PIEZO1: variants seen among roughly 807,000 people sequenced by gnomAD.
The protein encoded by PIEZO1 is piezo type mechanosensitive ion channel component 1 (Er blood group).
In PIEZO1, 296 loss-of-function variants were observed where a neutral mutation model predicts 297.2. The observed-to-expected ratio is 1.00, with a 90% confidence interval of 0.91 to 1.10. The LOEUF (loss-of-function observed/expected upper bound fraction) is 1.10, where lower values mean the gene tolerates loss of function less well. PIEZO1 is among the 50% of genes least tolerant of loss of function. The probability of loss-of-function intolerance (pLI) is 0.00; values close to 1 mark genes in which losing one functional copy is unlikely to be tolerated. For missense variants in PIEZO1, 5,018 were observed against 3,455.5 expected (o/e 1.45, Z -11.34); for synonymous variants, 2,427 against 1,507.5 (o/e 1.61, Z -14.13).
intron 21 of PIEZO1, 52 bp from the exon 22 acceptor site, chr16:88,731,962 G>GGGGCGTGGGGATGC: frequency 8.4e-6 from 1 of 118,602 alleles, no homozygotes; most frequent in Non-Finnish European, 2.0e-5. Flanking sequence ...TGGGGGGAGG[G>GGGGCGTGGGGATGC]ACTTTCTTGT....
chr16:88,723,134 C>T lies in PIEZO1; in HGVS notation c.4456G>A (p.Glu1486Lys). 1 of 1,549,144 alleles carries T rather than the reference C, an allele frequency of 6.5e-7. No homozygotes were observed. Among genetic ancestry groups the T allele is most frequent in the Non-Finnish European group, 8.7e-7 (1 of 1,146,808 alleles). The change falls in exon 33 of 51, where the codon GAG becomes AAG. Residue 1486 changes from glutamate (E) to lysine (K), a missense_variant. By Grantham distance (56) the Glu-to-Lys change is moderately conservative. Transcript: ENST00000301015. ...TCGGGGCCCTCTGCTGGCTCCACCT[C>T]CTGGCTGGGACCACCTCCTGGGCAC... ...QLPTGGGPSQ[E>K]VEPAEGPEEA...
In PIEZO1 at chr16:88,732,732, G is replaced by T; in HGVS notation, c.2665C>A (p.Pro889Thr). 6.5e-7 allele frequency: 1 copy of T among 1,544,236 alleles called. No individual in the cohort carries two copies. The highest frequency in any genetic ancestry group is 1.4e-5 in the African/African-American group (1 of 73,090). Residue 889 changes from proline to threonine, a missense_variant and splice_region_variant, in exon 20 of 51, where the codon CCC (proline) becomes ACC (threonine). By Grantham distance (38) the Pro-to-Thr change is conservative (BLOSUM62 -1). Transcript: ENST00000301015. ...AGCAAGTTGGTGCTGTTGGGGAAGG[G>T]CTGGCAAGAGGCCAGGCATCAGTGC... ...PQEYSSNCTE[P>T]FPNSTNLLPT...
At chr16:88,760,649 G>A (rs1906889040) in intron 1 of PIEZO1, among the ~76,000 whole-genome samples, 1 of 152,018 alleles carries the variant, frequency 6.6e-6, no homozygotes, top group Non-Finnish European at 1.5e-5. Flanking sequence ...ACCCGTCTTC[G>A]AGGCAGCAGC....
chr16:88,735,430 A>C (rs912580060), intron 12 of PIEZO1, among the ~76,000 whole-genome samples, 184 bp from the exon 13 acceptor site: 12 of 152,206 alleles, frequency 7.9e-5, no homozygotes, highest in African/African-American at 2.9e-4. Context: ...GAGGCACACG[A>C]GCACACACTC....
intron 5 of PIEZO1, 46 bp from the exon 6 acceptor site, chr16:88,738,782 C>G (rs749995122): frequency 6.8e-7 from 1 of 1,478,868 alleles, no homozygotes; most frequent in South Asian, 1.3e-5. Context: ...ATCGCACTGA[C>G]GCCACCTCTC....
At chr16:88,752,695 G>C (rs993362525) in intron 1 of PIEZO1, among the ~76,000 whole-genome samples, 2 of 152,120 alleles carry the variant, frequency 1.3e-5, no homozygotes, top group Non-Finnish European at 2.9e-5. Context: ...GGGGAACCTT[G>C]AGGGGCAGAG....
Position 88,726,607 on chromosome 16 carries a change from C to T in PIEZO1, c.3736G>A (p.Gly1246Ser), listed in dbSNP as rs555554020. Residue 1246 changes from glycine to serine, a missense_variant, in exon 26 of 51, where the codon GGC (glycine) becomes AGC (serine). By Grantham distance (56) the Gly-to-Ser change is moderately conservative. Coordinates refer to ENST00000301015, the MANE Select transcript of PIEZO1 (RefSeq NM_001142864.4). ...ACVFVEQMQTGFCWVIQLFSL... is the reference protein window; with the variant it reads ...ACVFVEQMQTSFCWVIQLFSL... ...AAGAGCTGGATGACCCAGCAGAAGC[C>T]GGTCTGCATCTGCTCCACGAAGACG... is the stretch of plus-strand genomic sequence containing the variant. 31 of 1,478,158 alleles carry T rather than the reference C, an allele frequency of 2.1e-5. No homozygotes were observed. The highest frequency in any genetic ancestry group is 8.3e-5 in the Admixed American group (4 of 48,006). 91.6% of individuals were successfully genotyped at this position (1,478,158 alleles called of 1,614,324 possible). A position where few individuals can be genotyped will look rare whatever the true frequency, so the allele number is the denominator to read the frequency against.
At chr16:88,726,674 G>GGGGCCAGCA (rs1567666232) in intron 25 of PIEZO1, 31 bp from the exon 26 acceptor site, 18 of 1,546,716 alleles carry the variant, frequency 1.2e-5, no homozygotes, top group Admixed American at 2.0e-5. Flanking sequence ...CGGGGCCAGC[G>GGGGCCAGCA]GGGCCCCAGG....
Position 88,749,427 on chromosome 16 carries a change from C to G in PIEZO1, c.117G>C (p.Leu39=). Residue 39 remains leucine (L), a synonymous_variant, in exon 2 of 51, where the codon CTG becomes CTC. Coordinates refer to ENST00000301015, the MANE Select transcript of PIEZO1 (RefSeq NM_001142864.4). ...GLSLVYLLFL[L]LLPWFPGPTR... ...TGGGGCCGGGGAACCAGGGCAGCAG[C>G]AGCAGGAAGAGCAGGTAGACCAGCG... 1.3e-6 allele frequency: 2 copies of G among 1,523,508 alleles called. No homozygotes were observed. The highest frequency in any genetic ancestry group is 1.8e-6 in the Non-Finnish European group (2 of 1,141,906). 94.4% of individuals were successfully genotyped at this position (1,523,508 alleles called of 1,614,324 possible). A position where few individuals can be genotyped will look rare whatever the true frequency, so the allele number is the denominator to read the frequency against.
chr16:88,757,322 G>C lies in PIEZO1; in HGVS notation c.65-7843C>G, dbSNP rs1010076728. Among the ~76,000 whole-genome samples the C allele has an allele frequency of 1.7e-3, 160 of 96,056 alleles. 11 individuals are homozygous for C. The highest frequency in any genetic ancestry group is 0.011 in the Middle Eastern group (2 of 176). The allele number at this position is 96,056 out of a possible 152,430, so 63.0% of individuals were successfully genotyped here. A position where few individuals can be genotyped will look rare whatever the true frequency, so the allele number is the denominator to read the frequency against. On this transcript the variant is annotated intron_variant, in intron 1 of 50. Coordinates refer to ENST00000301015, the MANE Select transcript of PIEZO1 (RefSeq NM_001142864.4). ...GGTATGCAGGGGGCGTTGCTGGCGG[G>C]GGGGTGGGGGGTAGTTACCTAACCT...
At chr16:88,743,987 C>T (rs1015673559) in intron 2 of PIEZO1, 1 of 235,786 alleles carries the variant, frequency 4.2e-6, no homozygotes, top group Non-Finnish European at 8.7e-6. Flanking sequence ...GCAGGGCTCC[C>T]GGAGGACAGG....
Position 88,721,714 on chromosome 16 carries a change from C to G in PIEZO1, c.5227G>C (p.Val1743Leu), listed in dbSNP as rs1255770460. Reference protein sequence around the residue: ...AIVFTEIAVVVKYLFQFGFFP... With the variant: ...AIVFTEIAVVLKYLFQFGFFP... Reference sequence around the variant, plus strand: ...AACCCAAACTGGAACAGGTACTTGACGACCACCGCGATCTGTGGGGGAGGG... The same window carrying G: ...AACCCAAACTGGAACAGGTACTTGAGGACCACCGCGATCTGTGGGGGAGGG... Residue 1743 changes from valine to leucine, a missense_variant, in exon 38 of 51, where the codon GTC becomes CTC. Val to Leu is a conservative substitution (Grantham distance 32, BLOSUM62 1). Transcript: ENST00000301015. 2.7e-5 allele frequency: 41 copies of G among 1,542,090 alleles called. No homozygotes were observed. The highest frequency in any genetic ancestry group is 1.7e-4 in the Middle Eastern group (1 of 5,898).
At chr16:88,776,289 C>T (rs978045537) in intron 1 of PIEZO1, among the ~76,000 whole-genome samples, 6 of 152,116 alleles carry the variant, frequency 3.9e-5, no homozygotes, top group African/African-American at 9.7e-5. Context: ...AAAAAATTAG[C>T]GGAGTGTGGT....
intron 1 of PIEZO1, among the ~76,000 whole-genome samples, chr16:88,784,276 C>T (rs1254907100): frequency 6.6e-6 from 1 of 152,234 alleles, no homozygotes; most frequent in African/African-American, 2.4e-5. Context: ...CGAAACTGAG[C>T]CCAGTAGGGC....
At chr16:88,771,194 G>C (rs555351915) in intron 1 of PIEZO1, among the ~76,000 whole-genome samples, 13 of 152,208 alleles carry the variant, frequency 8.5e-5, no homozygotes, top group South Asian at 2.1e-4. Flanking sequence ...TACTGGCACC[G>C]GGCCCAGCCT....
intron 2 of PIEZO1, among the ~76,000 whole-genome samples, chr16:88,744,761 C>T (rs1014678666): frequency 6.6e-6 from 1 of 151,970 alleles, no homozygotes; most frequent in Admixed American, 6.5e-5. Flanking sequence ...TCGAAGGGGC[C>T]GCAGCTGGGC....
rs149605668 is a variant in PIEZO1 at position 88,742,014 on chromosome 16, G to A, written c.326+39C>T. ...ACTTCCTGGGGCCTGAAATCCCCAA[G>A]GGAGGCTTGCTGGTTGGGGGTGGGA... On this transcript the variant is annotated intron_variant, in intron 4 of 50. Transcript: ENST00000301015. 3.9e-6 allele frequency: 6 copies of A among 1,533,012 alleles called. No homozygotes were observed. The Admixed American group carries it at 7.9e-5, about 20-fold the overall frequency. 95.0% of individuals were successfully genotyped at this position (1,533,012 alleles called of 1,614,324 possible).
intron 46 of PIEZO1, 34 bp downstream of exon 46, chr16:88,716,772 C>A: frequency 6.5e-7 from 1 of 1,549,304 alleles, no homozygotes; most frequent in South Asian, 1.2e-5. Flanking sequence ...AGCCGCCTCC[C>A]CACACCAGCT....
At chr16:88,761,475 T>C (rs1278625491) in intron 1 of PIEZO1, among the ~76,000 whole-genome samples, 1 of 152,190 alleles carries the variant, frequency 6.6e-6, no homozygotes, top group Admixed American at 6.5e-5. Context: ...AGAAGCAGTC[T>C]GGTCCCAAAG....
Sources: allele counts gnomAD v4.1 joint callset (sites outside exome capture counted in the v4.1 genomes callset), GRCh38; gene constraint gnomAD v4.1.1; transcripts MANE v1.5; gene names NCBI Gene and HGNC (gene_info 2026-07-23, HGNC 2026-07-21).